ATG10: variants seen among roughly 807,000 people sequenced by gnomAD.
ATG10 encodes autophagy related 10.
A neutral mutation model predicts 32.1 loss-of-function variants in ATG10; 30 were observed. The observed-to-expected ratio is 0.94, with a 90% confidence interval of 0.70 to 1.27. The LOEUF is 1.27. Ranked by LOEUF, ATG10 falls within the 50% of genes most tolerant of loss-of-function variation. ATG10 has a pLI of 0.00. For synonymous variants in ATG10, 87 were observed against 91.5 expected (o/e 0.95, Z 0.28); for missense variants, 233 against 262.3 (o/e 0.89, Z 0.77).
In ATG10 at chr5:82,058,553, T is replaced by C; in HGVS notation, c.167T>C (p.Met56Thr). 1.2e-6 allele frequency: 2 copies of C among 1,613,388 alleles called. No homozygotes were observed. Among genetic ancestry groups the C allele is most frequent in the Middle Eastern group, 1.7e-4 (1 of 6,058 alleles). ...TTTCAAATTAAGAATGGGTCTGTGATGTCACATCTAGGAGCATCTACCCAT... is the reference window on the plus strand; with the variant it reads ...TTTCAAATTAAGAATGGGTCTGTGACGTCACATCTAGGAGCATCTACCCAT... ...IHFQIKNGSVMSHLGASTHGQ... is the reference protein window; with the variant it reads ...IHFQIKNGSVTSHLGASTHGQ... The change falls in exon 3 of 8, where the codon ATG becomes ACG. Residue 56 changes from methionine to threonine, a missense_variant. Coordinates refer to ENST00000282185, the MANE Select transcript of ATG10 (RefSeq NM_031482.5).
At chr5:82,224,237 G>A (rs940563503) in intron 5 of ATG10, among the ~76,000 whole-genome samples, 6 of 152,154 alleles carry the variant, frequency 3.9e-5, no homozygotes, top group Admixed American at 6.5e-5. Context: ...AGTAGTTTGT[G>A]CCAGCCTGCA....
intron 1 of ATG10, among the ~76,000 whole-genome samples, chr5:81,978,647 C>G (rs1336020871): frequency 1.3e-5 from 2 of 151,928 alleles, no homozygotes; most frequent in African/African-American, 4.8e-5. Context: ...TCATATAGAT[C>G]TGTGGTTTTT....
intron 5 of ATG10, among the ~76,000 whole-genome samples, chr5:82,219,329 T>C (rs1188374862): frequency 1.3e-5 from 2 of 152,218 alleles, no homozygotes; most frequent in African/African-American, 4.8e-5. Context: ...TGGAGATTAG[T>C]ACTTCTTTTC....
intron 3 of ATG10, among the ~76,000 whole-genome samples, chr5:82,118,710 A>G (rs1765927172): frequency 6.6e-6 from 1 of 152,056 alleles, no homozygotes; most frequent in Non-Finnish European, 1.5e-5. Flanking sequence ...ATTCAGATTT[A>G]GGATATAAGT....
intron 3 of ATG10, among the ~76,000 whole-genome samples, chr5:82,151,515 C>A (rs1767592315): frequency 6.6e-6 from 1 of 151,956 alleles, no homozygotes; most frequent in South Asian, 2.1e-4. Context: ...TTATGCATTG[C>A]AGTTTACCTG....
intron 3 of ATG10, among the ~76,000 whole-genome samples, chr5:82,139,052 C>G (rs1481133971): frequency 6.7e-6 from 1 of 149,768 alleles, no homozygotes; most frequent in South Asian, 2.1e-4. Context: ...CTGTGTTGGC[C>G]GGGCCGGTCT....
chr5:82,014,091 G>T (rs1762208305), intron 2 of ATG10, among the ~76,000 whole-genome samples: 1 of 152,184 alleles, frequency 6.6e-6, no homozygotes, highest in African/African-American at 2.4e-5. Context: ...TATGTACCCA[G>T]TAGTCATTCA....
chr5:82,232,999 C>T (rs768792296), intron 5 of ATG10, among the ~76,000 whole-genome samples: 6 of 152,148 alleles, frequency 3.9e-5, no homozygotes, highest in Non-Finnish European at 8.8e-5. Flanking sequence ...ATGGTCTTTA[C>T]TCTTATATCT....
At chr5:82,004,644 G>C (rs1272818178) in intron 2 of ATG10, among the ~76,000 whole-genome samples, 1 of 152,188 alleles carries the variant, frequency 6.6e-6, no homozygotes, top group East Asian at 1.9e-4. Flanking sequence ...GCAGCAACCA[G>C]TAAGTGGTCC....
At chr5:82,064,799 A>C (rs1024862554) in intron 3 of ATG10, among the ~76,000 whole-genome samples, 2 of 152,180 alleles carry the variant, frequency 1.3e-5, no homozygotes, top group Non-Finnish European at 1.5e-5. Flanking sequence ...CAATAACAAT[A>C]TTATAATAAA....
Position 82,118,421 on chromosome 5 carries a change from C to T in ATG10, c.217-45978C>T, listed in dbSNP as rs953914395. ...ATATATATATGTATGTATATATTCC[C>T]TAGCACCTGACCCAGTGTCTGGCTA... is the stretch of plus-strand genomic sequence containing the variant. On this transcript the variant is annotated intron_variant, in intron 3 of 7. Coordinates refer to ENST00000282185, the MANE Select transcript of ATG10 (RefSeq NM_031482.5). 7.6e-5 allele frequency among the ~76,000 whole-genome samples: 4 copies of T among 52,530 alleles called. No individual in the cohort carries two copies. In the East Asian group the frequency reaches 1.1e-3, roughly 15 times the overall value. 34.5% of individuals were successfully genotyped at this position (52,530 alleles called of 152,430 possible).
chr5:82,170,067 A>G (rs1743742637), intron 4 of ATG10, among the ~76,000 whole-genome samples: 1 of 152,258 alleles, frequency 6.6e-6, no homozygotes, highest in South Asian at 2.1e-4. Context: ...CAAAAGGTTT[A>G]TTCTAAGCAG....
chr5:82,091,171 G>A (rs1010027515), intron 3 of ATG10, among the ~76,000 whole-genome samples: 10 of 152,176 alleles, frequency 6.6e-5, no homozygotes, highest in Admixed American at 3.3e-4. Context: ...TGCTTAGGCA[G>A]CCTCTCTTTT....
chr5:82,017,624 A>C (rs542212578), intron 2 of ATG10, among the ~76,000 whole-genome samples: 12 of 152,270 alleles, frequency 7.9e-5, no homozygotes, highest in Non-Finnish European at 1.3e-4. Context: ...GGGATGCTGG[A>C]TTCTGTCAAA....
chr5:82,002,017 G>A (rs1432591540), intron 2 of ATG10, among the ~76,000 whole-genome samples: 7 of 152,112 alleles, frequency 4.6e-5, no homozygotes, highest in Admixed American at 1.3e-4. Flanking sequence ...CATGCACATC[G>A]CCAAGAAGCA....
At chr5:82,167,292 G>A (rs76938486) in intron 4 of ATG10, among the ~76,000 whole-genome samples, 6,896 of 152,188 alleles carry the variant, frequency 0.045, 444 homozygotes, top group African/African-American at 0.15. Context: ...AGAGCTTCAA[G>A]ATAAAAACAA....
At chr5:82,102,606 C>A (rs1397432120) in intron 3 of ATG10, among the ~76,000 whole-genome samples, 2 of 152,106 alleles carry the variant, frequency 1.3e-5, no homozygotes, top group East Asian at 3.8e-4. Context: ...TCAGTAAGAA[C>A]ACAATGGCAA....
At chr5:82,017,571 ATG>A (rs1762324247) in intron 2 of ATG10, among the ~76,000 whole-genome samples, 1 of 152,180 alleles carries the variant, frequency 6.6e-6, no homozygotes, top group South Asian at 2.1e-4. Flanking sequence ...ACCTTAAGAT[ATG>A]TCCCTTCTAT....
At chr5:82,082,972 C>A (rs1343301801) in intron 3 of ATG10, among the ~76,000 whole-genome samples, 2 of 152,174 alleles carry the variant, frequency 1.3e-5, no homozygotes, top group Admixed American at 1.3e-4. Context: ...AACTGAGGTA[C>A]CGGGTTCATC....
Sources: allele counts gnomAD v4.1 joint callset (sites outside exome capture counted in the v4.1 genomes callset), GRCh38; gene constraint gnomAD v4.1.1; transcripts MANE v1.5; gene names NCBI Gene and HGNC (gene_info 2026-07-23, HGNC 2026-07-21).